The following TMCC1 variants were observed in gnomAD, a reference collection of about 807,000 sequenced individuals.
The protein encoded by TMCC1 is transmembrane and coiled-coil domains protein 1.
A neutral mutation model predicts 52.4 loss-of-function variants in TMCC1; 15 were observed. That is an observed-to-expected ratio of 0.29 (90% CI 0.19 to 0.44). The LOEUF is 0.44. TMCC1 is among the 20% of genes least tolerant of loss of function. The pLI is 1.00. For missense variants in TMCC1, 503 were observed against 806.0 expected (o/e 0.62, Z 4.55); for synonymous variants, 279 against 301.9 (o/e 0.92, Z 0.79).
At chr3:129,826,960 C>T (rs936173465) in intron 4 of TMCC1, among the ~76,000 whole-genome samples, 3 of 152,064 alleles carry the variant, frequency 2.0e-5, no homozygotes, top group Non-Finnish European at 4.4e-5. Flanking sequence ...AAGAGATTTC[C>T]CATCTAGATT....
chr3:129,889,861 T>TTTCTGATAA (rs1490882907), intron 1 of TMCC1, among the ~76,000 whole-genome samples: 1 of 151,056 alleles, frequency 6.6e-6, no homozygotes, highest in Non-Finnish European at 1.5e-5. Context: ...TCAGGAAAGA[T>TTTCTGATAA]TTGGTCAAGG....
At chr3:129,787,855 G>C (rs925394183) in intron 4 of TMCC1, among the ~76,000 whole-genome samples, 10 of 152,142 alleles carry the variant, frequency 6.6e-5, no homozygotes, top group African/African-American at 2.4e-4. Context: ...TTATTTTTCA[G>C]CTACTAAACT....
rs531467953 is a variant in TMCC1, at chr3:129,877,724, G to A, written c.-184+2585C>T. 2.0e-4 allele frequency among the ~76,000 whole-genome samples: 30 copies of A among 150,770 alleles called. 1 individual carries two copies. In the South Asian group the frequency reaches 5.0e-3, roughly 25 times the overall value. On this transcript the variant is annotated intron_variant, in intron 2 of 6. Transcript: ENST00000393238. ...GCTCATTGCAACCTCCACCTCCCAGGTTCAAGCAATTTTCCTGCCTCAGCC... is the reference window on the plus strand; with the variant it reads ...GCTCATTGCAACCTCCACCTCCCAGATTCAAGCAATTTTCCTGCCTCAGCC...
At chr3:129,660,638 T>C (rs2086961472) in intron 5 of TMCC1, among the ~76,000 whole-genome samples, 1 of 152,246 alleles carries the variant, frequency 6.6e-6, no homozygotes, top group Non-Finnish European at 1.5e-5. Flanking sequence ...TCTAGGTTCC[T>C]GCCATTTCCC....
chr3:129,671,014 C>A lies in TMCC1; in HGVS notation c.827G>T (p.Arg276Leu), dbSNP rs747345515. The change falls in exon 5 of 7, where the codon CGC becomes CTC. Residue 276 changes from arginine (R) to leucine (L), a missense_variant. By Grantham distance (102) the Arg-to-Leu change is moderately radical. Around this residue, in one of 7 missense-constraint regions of TMCC1, gnomAD observed 73 missense variants for 182.9 expected, o/e 0.40. Transcript: ENST00000393238. ...CTTCTTCTCAAAGACTTGCTTGATGCGGGCAGCCTGCTGTTTGTCTGCACT... is the reference window on the plus strand; with the variant it reads ...CTTCTTCTCAAAGACTTGCTTGATGAGGGCAGCCTGCTGTTTGTCTGCACT... The part of the protein sequence containing the change: ...ANSADKQQAA[R>L]IKQVFEKKNQ... 20 of 1,614,172 alleles carry A rather than the reference C, an allele frequency of 1.2e-5. No individual in the cohort carries two copies. Among genetic ancestry groups the A allele is most frequent in the Non-Finnish European group, 1.7e-5 (20 of 1,180,040 alleles).
At chr3:129,701,045 A>G (rs1004508732) in intron 4 of TMCC1, among the ~76,000 whole-genome samples, 2 of 152,056 alleles carry the variant, frequency 1.3e-5, no homozygotes, top group Non-Finnish European at 2.9e-5. Context: ...TTTCCACTCT[A>G]TTTTATTCAT....
intron 4 of TMCC1, among the ~76,000 whole-genome samples, chr3:129,725,663 A>AC (rs1282402655): frequency 6.6e-6 from 1 of 151,884 alleles, no homozygotes; most frequent in African/African-American, 2.4e-5. Flanking sequence ...CCTCTGAAAG[A>AC]GTAATCTACT....
intron 4 of TMCC1, among the ~76,000 whole-genome samples, chr3:129,818,499 T>TC (rs2058233561): frequency 9.0e-5 from 3 of 33,288 alleles, no homozygotes; most frequent in African/African-American, 4.9e-4. Context: ...AAGAAAAGTT[T>TC]TAAAGAAACT....
chr3:129,711,075 G>A lies in TMCC1; in HGVS notation c.577-39811C>T, dbSNP rs561956312. Reference sequence around the variant, plus strand: ...GACAACGTTTTACCATGTTGGCCAGGCTGGTCTTGAACTCCTCACCTCAGG... The same window carrying A: ...GACAACGTTTTACCATGTTGGCCAGACTGGTCTTGAACTCCTCACCTCAGG... On this transcript the variant is annotated intron_variant, in intron 4 of 6. Coordinates refer to ENST00000393238, the MANE Select transcript of TMCC1 (RefSeq NM_001017395.5). Among the ~76,000 whole-genome samples the A allele has an allele frequency of 5.3e-5, 8 of 152,242 alleles. No individual in the cohort carries two copies. In the South Asian group the frequency reaches 1.7e-3, roughly 32 times the overall value.
intron 4 of TMCC1, among the ~76,000 whole-genome samples, chr3:129,712,189 T>C (rs2048752331): frequency 6.6e-6 from 1 of 151,662 alleles, no homozygotes; most frequent in Non-Finnish European, 1.5e-5. Context: ...AATAAACAAA[T>C]AAATAAAGAA....
chr3:129,821,103 C>T (rs536403742), intron 4 of TMCC1, among the ~76,000 whole-genome samples: 6 of 152,164 alleles, frequency 3.9e-5, no homozygotes, highest in African/African-American at 1.2e-4. Flanking sequence ...GGCAGATTAC[C>T]GACTTTTTGA....
chr3:129,807,946 A>T (rs2057556113), intron 4 of TMCC1, among the ~76,000 whole-genome samples: 1 of 152,202 alleles, frequency 6.6e-6, no homozygotes, highest in Admixed American at 6.5e-5. Context: ...CCCAGAACAA[A>T]AGATGTGCAA....
chr3:129,820,443 T>C (rs1289747795), intron 4 of TMCC1, among the ~76,000 whole-genome samples: 1 of 151,892 alleles, frequency 6.6e-6, no homozygotes, highest in Admixed American at 6.6e-5. Context: ...AGAGACACAA[T>C]GTGAAGGCAA....
intron 2 of TMCC1, among the ~76,000 whole-genome samples, chr3:129,850,738 A>C (rs888548328): frequency 2.0e-5 from 3 of 152,144 alleles, no homozygotes; most frequent in Non-Finnish European, 4.4e-5. Context: ...CCCCGAACAG[A>C]GATTTAGCCA....
chr3:129,654,928 C>T, intron 6 of TMCC1, 40 bp downstream of exon 6: 3 of 1,603,792 alleles, frequency 1.9e-6, no homozygotes, highest in Non-Finnish European at 2.6e-6. Context: ...CTTTCTAACC[C>T]TACTGTATTT....
chr3:129,858,833 T>C (rs1346544858), intron 2 of TMCC1, among the ~76,000 whole-genome samples: 4 of 152,210 alleles, frequency 2.6e-5, no homozygotes, highest in Admixed American at 2.6e-4. Flanking sequence ...TGACTTCCCC[T>C]TGGTCCCCAA....
chr3:129,740,760 G>T (rs1203978537), intron 4 of TMCC1, among the ~76,000 whole-genome samples: 1 of 152,096 alleles, frequency 6.6e-6, no homozygotes, highest in East Asian at 1.9e-4. Context: ...TTGGCCTCTT[G>T]TACTTACCAC....
chr3:129,800,489 T>TA (rs1464980104), intron 4 of TMCC1, among the ~76,000 whole-genome samples: 1 of 146,868 alleles, frequency 6.8e-6, no homozygotes, highest in African/African-American at 2.5e-5. Flanking sequence ...CAACTCTTGA[T>TA]TTTTTTTTTT....
chr3:129,866,246 A>G (rs1002528536), intron 2 of TMCC1, among the ~76,000 whole-genome samples: 6 of 145,110 alleles, frequency 4.1e-5, no homozygotes, highest in Admixed American at 7.1e-5. Context: ...ATACATACAT[A>G]TATATAATAT....
Sources: gnomAD v4.1 joint callset for allele counts (sites outside exome capture counted in the v4.1 genomes callset) on GRCh38, gnomAD v4.1.1 for gene constraint, gnomAD v4.1.1 regional missense constraint, MANE v1.5 for transcripts, NCBI Gene and HGNC (gene_info 2026-07-23, HGNC 2026-07-21) for gene names.